NEBL: variants seen among roughly 807,000 people sequenced by gnomAD.
NEBL encodes LIM and SH3 protein 2.
Under a neutral mutation model 140.2 loss-of-function variants are expected in NEBL, and 122 were observed. The ratio of observed to expected loss-of-function variants is 0.87; its 90% confidence interval spans 0.75 to 1.01. NEBL has a LOEUF of 1.01. Ranked by LOEUF, NEBL falls within the 50% of genes least tolerant of loss-of-function variation. The probability of loss-of-function intolerance (pLI) is 0.00; values close to 1 mark genes in which losing one functional copy is unlikely to be tolerated. For synonymous variants in NEBL, 436 were observed against 398.9 expected, an observed-to-expected ratio of 1.09 and a Z score of -1.11; for missense variants, 1,365 against 1,231.3, an observed-to-expected ratio of 1.11 and a Z score of -1.62.
At chr10:21,153,654 T>G (rs1018465974) in intron 2 of NEBL, among the ~76,000 whole-genome samples, 3 of 152,142 alleles carry the variant, frequency 2.0e-5, no homozygotes, top group African/African-American at 7.2e-5. Flanking sequence ...TAGCTGGGAT[T>G]ACAGATGCAC....
intron 3 of NEBL, among the ~76,000 whole-genome samples, chr10:21,186,812 T>A (rs1841478644): frequency 6.6e-6 from 1 of 152,074 alleles, no homozygotes; most frequent in East Asian, 1.9e-4. Flanking sequence ...ATATAGGTAA[T>A]AAAACGTAAA....
At chr10:21,126,076 C>T (rs746259942) in intron 2 of NEBL, 2 of 1,614,118 alleles carry the variant, frequency 1.2e-6, no homozygotes, top group South Asian at 1.1e-5. Context: ...AACCAGCTTC[C>T]TGGGAGGCCT....
At chr10:21,208,646 A>G (rs576413814) in intron 3 of NEBL, among the ~76,000 whole-genome samples, 3 of 152,316 alleles carry the variant, frequency 2.0e-5, no homozygotes, top group Non-Finnish European at 4.4e-5. Flanking sequence ...CCATGAACCC[A>G]GGCTGCTTTC....
At chr10:20,938,278 C>T (rs973762053) in intron 4 of NEBL, among the ~76,000 whole-genome samples, 8 of 152,224 alleles carry the variant, frequency 5.3e-5, no homozygotes, top group Non-Finnish European at 8.8e-5. Context: ...ATTTGCTGCT[C>T]ACCAATGTCT....
intron 3 of NEBL, among the ~76,000 whole-genome samples, chr10:21,185,536 C>T (rs1241683571): frequency 3.0e-5 from 4 of 134,246 alleles, no homozygotes; most frequent in South Asian, 2.5e-4. Context: ...CTAGCTCTGT[C>T]GCCCAGGTTG....
chr10:20,819,318 C>T lies in NEBL; in HGVS notation c.2055+106G>A, dbSNP rs1006362. 0.41 allele frequency: 641,808 copies of T among 1,559,718 alleles called. 138,271 individuals carry two copies. Among genetic ancestry groups the T allele is most frequent in the African/African-American group, 0.65 (47,471 of 73,520 alleles). On this transcript the variant is annotated intron_variant, in intron 20 of 27. Coordinates refer to ENST00000377122, the MANE Select transcript of NEBL (RefSeq NM_006393.3). The stretch of plus-strand genomic sequence containing the variant: ...CATTATTATGCAGTATTTGGTTTTA[C>T]GTTCCTGTGTTAGTTTGCTAAGGAT...
At chr10:21,126,974 CA>C (rs55883304) in intron 2 of NEBL, among the ~76,000 whole-genome samples, 11,114 of 64,284 alleles carry the variant, frequency 0.17, 324 homozygotes, top group Non-Finnish European at 0.19. Context: ...GACCCTGTAT[CA>C]AAAAAAAAAA....
intron 1 of NEBL, among the ~76,000 whole-genome samples, chr10:21,255,612 G>C (rs1842647788): frequency 6.6e-6 from 1 of 152,136 alleles, no homozygotes. Context: ...CAACATCATC[G>C]TAGGAAATTT....
intron 2 of NEBL, among the ~76,000 whole-genome samples, chr10:20,895,445 C>G (rs984032685): frequency 6.6e-6 from 1 of 152,150 alleles, no homozygotes; most frequent in Non-Finnish European, 1.5e-5. Context: ...CTGTGTGACC[C>G]AGGCAAGGTA....
upstream of NEBL, among the ~76,000 whole-genome samples, chr10:20,898,613 C>A (rs1276751057): frequency 6.6e-6 from 1 of 152,094 alleles, no homozygotes; most frequent in African/African-American, 2.4e-5. Flanking sequence ...TTTGGGAAAT[C>A]TGTACCCCAG....
At chr10:21,064,027 G>A (rs911819802) in intron 2 of NEBL, among the ~76,000 whole-genome samples, 3 of 151,304 alleles carry the variant, frequency 2.0e-5, no homozygotes, top group African/African-American at 4.9e-5. Context: ...AACTGAGATC[G>A]CGCCACTGTA....
intron 2 of NEBL, chr10:21,172,133 G>C: frequency 1.9e-6 from 1 of 521,102 alleles, no homozygotes; most frequent in East Asian, 3.5e-5. Context: ...TGTCCCTAAG[G>C]CTGTAACACT....
chr10:21,004,597 G>A (rs1838043463), intron 3 of NEBL, among the ~76,000 whole-genome samples: 1 of 152,152 alleles, frequency 6.6e-6, no homozygotes, highest in South Asian at 2.1e-4. Flanking sequence ...GCAGGTGCCT[G>A]TAGTCCCAGC....
intron 7 of NEBL, among the ~76,000 whole-genome samples, chr10:20,865,423 A>G (rs929657406): frequency 1.3e-5 from 2 of 152,142 alleles, no homozygotes; most frequent in African/African-American, 2.4e-5. Context: ...CAATTTGTCC[A>G]AGATCACTCT....
chr10:21,280,634 T>TG (rs1400423610), intron 1 of NEBL, among the ~76,000 whole-genome samples: 1 of 147,344 alleles, frequency 6.8e-6, no homozygotes, highest in African/African-American at 2.5e-5. Flanking sequence ...TTTTTTTTTT[T>TG]TTTTTGCCTA....
At chr10:20,822,018 C>T (rs929363936) in intron 19 of NEBL, among the ~76,000 whole-genome samples, 6 of 152,200 alleles carry the variant, frequency 3.9e-5, no homozygotes, top group African/African-American at 1.2e-4. Flanking sequence ...ACTGCATAGC[C>T]GTCCTTCTGC....
At chr10:20,888,601 A>G (rs1023807994) in intron 3 of NEBL, among the ~76,000 whole-genome samples, 2 of 152,160 alleles carry the variant, frequency 1.3e-5, no homozygotes, top group Admixed American at 6.6e-5. Context: ...TCTTTTATTC[A>G]GGTCTTCTCA....
At chr10:21,028,195 C>T (rs1161179057) in intron 2 of NEBL, among the ~76,000 whole-genome samples, 1 of 127,620 alleles carries the variant, frequency 7.8e-6, no homozygotes, top group Admixed American at 8.7e-5. Context: ...CCACTGCACT[C>T]CAGCCTGGCC....
At chr10:21,039,220 T>G (rs1251192117) in intron 2 of NEBL, among the ~76,000 whole-genome samples, 1 of 152,202 alleles carries the variant, frequency 6.6e-6, no homozygotes, top group Non-Finnish European at 1.5e-5. Flanking sequence ...GCAGAAGCTC[T>G]TCAGTTTGAT....
Sources: allele counts gnomAD v4.1 joint callset (sites outside exome capture counted in the v4.1 genomes callset), GRCh38; gene constraint gnomAD v4.1.1; transcripts MANE v1.5; gene names NCBI Gene and HGNC (gene_info 2026-07-23, HGNC 2026-07-21).